RAD54L2: variants seen among roughly 807,000 people sequenced by gnomAD.
The protein encoded by RAD54L2 is helicase ARIP4.
In RAD54L2, 27 loss-of-function variants were observed where a neutral mutation model predicts 138.4. The observed-to-expected ratio is 0.20, with a 90% CI of 0.14 to 0.27. RAD54L2 has a LOEUF of 0.27. RAD54L2 is among the 10% of genes least tolerant of loss of function. RAD54L2 has a pLI of 1.00. For synonymous variants in RAD54L2, 644 were observed against 723.2 expected (o/e 0.89, Z 1.76); for missense variants, 1,396 against 1,890.2 (o/e 0.74, Z 4.85).
At chr3:51,552,100 A>T (rs369658208) in intron 2 of RAD54L2, among the ~76,000 whole-genome samples, 10 of 152,266 alleles carry the variant, frequency 6.6e-5, no homozygotes, top group African/African-American at 2.4e-4. Context: ...TTTGACACAG[A>T]AATTCTACTT....
intron 3 of RAD54L2, among the ~76,000 whole-genome samples, chr3:51,594,160 T>C (rs1237636372): frequency 7.2e-6 from 1 of 139,594 alleles, no homozygotes; most frequent in Non-Finnish European, 1.5e-5. Context: ...AACCTCCACC[T>C]CCTGAGTTCA....
At chr3:51,640,667 G>T (rs1701110069) in intron 14 of RAD54L2, among the ~76,000 whole-genome samples, 1 of 152,222 alleles carries the variant, frequency 6.6e-6, no homozygotes, top group Admixed American at 6.5e-5. Context: ...AGTGATTTTA[G>T]CTTGGGGAGA....
At chr3:51,593,709 C>G (rs1249677673) in intron 3 of RAD54L2, among the ~76,000 whole-genome samples, 2 of 152,182 alleles carry the variant, frequency 1.3e-5, no homozygotes, top group African/African-American at 4.8e-5. Context: ...TCATAGTTTA[C>G]ACAAGCATGT....
intron 9 of RAD54L2, 31 bp downstream of exon 9, chr3:51,634,066 T>G: frequency 6.2e-7 from 1 of 1,604,630 alleles, no homozygotes; most frequent in Non-Finnish European, 8.5e-7. Flanking sequence ...TCTCTGCCCC[T>G]TTCCTTTTAG....
intron 3 of RAD54L2, among the ~76,000 whole-genome samples, chr3:51,592,419 TAAAC>T (rs908781924): frequency 2.0e-5 from 3 of 152,052 alleles, no homozygotes; most frequent in Admixed American, 6.6e-5. Context: ...TTCAGAGTGA[TAAAC>T]AAACGTTCCA....
At chr3:51,647,528 G>A (rs757633690) in intron 19 of RAD54L2, among the ~76,000 whole-genome samples, 11 of 152,262 alleles carry the variant, frequency 7.2e-5, no homozygotes, top group African/African-American at 2.6e-4. Context: ...AATTAGCCAG[G>A]TGTGGTGCTG....
rs1257470532 is a variant in RAD54L2, at chr3:51,590,436, G to A, written c.16G>A (p.Ala6Thr). 1.3e-6 allele frequency: 2 copies of A among 1,545,078 alleles called. No individual in the cohort carries two copies. MSDES[A>T]SGSDPDLDPD... is the part of the protein sequence containing the mutation. ...TCTGGGAGCCATGTCAGACGAATCT[G>A]CCTCAGGGAGCGATCCAGACCTGGA... Residue 6 changes from alanine to threonine, a missense_variant, in exon 3 of 23, where the codon GCC becomes ACC. Coordinates refer to ENST00000684192, the MANE Select transcript of RAD54L2 (RefSeq NM_015106.4).
chr3:51,610,005 A>G (rs970820014), intron 3 of RAD54L2, among the ~76,000 whole-genome samples: 4 of 151,428 alleles, frequency 2.6e-5, no homozygotes, highest in African/African-American at 9.7e-5. Flanking sequence ...GCGTGGCGGC[A>G]GGCGCCTGTA....
intron 1 of RAD54L2, among the ~76,000 whole-genome samples, chr3:51,540,898 C>T (rs1559609504): frequency 1.3e-5 from 2 of 151,868 alleles, no homozygotes; most frequent in South Asian, 2.1e-4. Context: ...AAAAATTAGC[C>T]GGTGGGGTGG....
At chr3:51,557,795 A>C (rs1699007149) in intron 2 of RAD54L2, among the ~76,000 whole-genome samples, 1 of 145,056 alleles carries the variant, frequency 6.9e-6, no homozygotes. Context: ...GCGCCACTGC[A>C]CTTCAGCCTG....
intron 2 of RAD54L2, among the ~76,000 whole-genome samples, chr3:51,586,117 G>A (rs537335544): frequency 2.4e-4 from 36 of 152,088 alleles, no homozygotes; most frequent in African/African-American, 8.0e-4. Flanking sequence ...CCACATAGAC[G>A]TATGTGTGTG....
At chr3:51,560,348 ATTT>A (rs1559616983) in intron 2 of RAD54L2, among the ~76,000 whole-genome samples, 7 of 144,912 alleles carry the variant, frequency 4.8e-5, no homozygotes, top group Non-Finnish European at 9.1e-5. Context: ...CTTCCAAATC[ATTT>A]TCTTTTTTTT....
intron 3 of RAD54L2, among the ~76,000 whole-genome samples, chr3:51,597,315 A>C (rs1238558129): frequency 2.0e-5 from 3 of 152,094 alleles, no homozygotes; most frequent in African/African-American, 4.8e-5. Context: ...TTTTATTTCC[A>C]AACTTAGTTC....
intron 3 of RAD54L2, among the ~76,000 whole-genome samples, chr3:51,614,567 G>GC (rs1165325755): frequency 2.0e-5 from 3 of 151,834 alleles, no homozygotes; most frequent in African/African-American, 7.3e-5. Context: ...AGGTTGGAGT[G>GC]CAGTGGTGCA....
intron 3 of RAD54L2, among the ~76,000 whole-genome samples, chr3:51,626,275 C>T (rs1380913400): frequency 6.6e-6 from 1 of 151,630 alleles, no homozygotes; most frequent in Non-Finnish European, 1.5e-5. Context: ...AATTTGGGGA[C>T]AGGCTTGTGG....
chr3:51,651,402 TAGAA>T (rs1553690036), intron 19 of RAD54L2, among the ~76,000 whole-genome samples: 5 of 152,034 alleles, frequency 3.3e-5, no homozygotes, highest in Non-Finnish European at 7.4e-5. Flanking sequence ...TGCCAATCAA[TAGAA>T]AAAGAGGAAA....
chr3:51,540,783 G>A (rs1156729094), intron 1 of RAD54L2, among the ~76,000 whole-genome samples: 5 of 152,016 alleles, frequency 3.3e-5, no homozygotes, highest in African/African-American at 1.2e-4. Context: ...TGGGTGTGGT[G>A]GCTAACGCCT....
At chr3:51,605,081 C>T (rs1351708726) in intron 3 of RAD54L2, among the ~76,000 whole-genome samples, 1 of 145,098 alleles carries the variant, frequency 6.9e-6, no homozygotes, top group Non-Finnish European at 1.5e-5. Context: ...AGCCACCATA[C>T]CTGGCTAATT....
intron 3 of RAD54L2, among the ~76,000 whole-genome samples, chr3:51,610,909 T>G (rs1700312904): frequency 6.6e-6 from 1 of 152,216 alleles, no homozygotes; most frequent in South Asian, 2.1e-4. Flanking sequence ...TTTTATTCCT[T>G]CTAATGCATA....
Sources: gnomAD v4.1 joint callset for allele counts (sites outside exome capture counted in the v4.1 genomes callset) on GRCh38, gnomAD v4.1.1 for gene constraint, MANE v1.5 for transcripts, NCBI Gene and HGNC (gene_info 2026-07-23, HGNC 2026-07-21) for gene names.